Variants in CDH10 observed in about 807,000 individuals in gnomAD.
CDH10 encodes cadherin 10.
CDH10 carries 30 observed loss-of-function variants against 73.1 expected under a neutral mutation model. That is an observed-to-expected ratio of 0.41 (90% confidence interval 0.31 to 0.56). The LOEUF is 0.56. CDH10 is among the 20% of genes least tolerant of loss of function. The pLI is 0.27. For missense variants in CDH10, 815 were observed against 973.7 expected (o/e 0.84, Z 2.17); for synonymous variants, 345 against 348.2 (o/e 0.99, Z 0.10).
chr5:24,512,301 CCAAG>C (rs200114846), intron 5 of CDH10, among the ~76,000 whole-genome samples: 2,214 of 152,214 alleles, frequency 0.015, 52 homozygotes, highest in African/African-American at 0.047. Context: ...CACGCACCAA[CCAAG>C]CGTGTATTTT....
intron 1 of CDH10, among the ~76,000 whole-genome samples, chr5:24,630,788 G>C (rs1328179202): frequency 6.6e-6 from 1 of 151,522 alleles, no homozygotes. Context: ...AATGAAGAAA[G>C]TATTAGAACA....
At chr5:24,491,555 A>G (rs763130051) in intron 11 of CDH10, 21 bp downstream of exon 11, 46 of 1,589,116 alleles carry the variant, frequency 2.9e-5, no homozygotes, top group Non-Finnish European at 3.8e-5. Context: ...AAATGCTCCC[A>G]TTGTTTTTAA....
At chr5:24,554,060 CAGAGAGAGAGAGAGAGAGGAGAG>C (rs1744659444) in intron 2 of CDH10, 1 of 102,918 alleles carries the variant, frequency 9.7e-6, no homozygotes, top group Non-Finnish European at 2.0e-5. Context: ...GAGCAAGACA[CAGAGAGAGAGAGAGAGAGGAGAG>C]ACAGAGAGAG....
At chr5:24,622,869 T>C (rs1029166122) in intron 1 of CDH10, among the ~76,000 whole-genome samples, 7 of 152,214 alleles carry the variant, frequency 4.6e-5, no homozygotes, top group Admixed American at 4.6e-4. Flanking sequence ...CATTCCGTTT[T>C]GTAAATTTTT....
intron 5 of CDH10, among the ~76,000 whole-genome samples, chr5:24,522,927 A>T (rs1198263991): frequency 6.6e-6 from 1 of 152,210 alleles, no homozygotes; most frequent in Non-Finnish European, 1.5e-5. Context: ...AATAAAAAAA[A>T]TTTCATACAT....
intron 5 of CDH10, among the ~76,000 whole-genome samples, chr5:24,515,929 T>C (rs1743094267): frequency 6.6e-6 from 1 of 152,118 alleles, no homozygotes; most frequent in Non-Finnish European, 1.5e-5. Context: ...CTCTTTCGCC[T>C]GCAGCCATGT....
At chr5:24,564,276 C>T (rs891855244) in intron 2 of CDH10, among the ~76,000 whole-genome samples, 1 of 152,108 alleles carries the variant, frequency 6.6e-6, no homozygotes, top group South Asian at 2.1e-4. Context: ...ATAGGTTGTA[C>T]CAAAATGTCG....
intron 1 of CDH10, among the ~76,000 whole-genome samples, chr5:24,621,423 C>A (rs1381574335): frequency 3.3e-5 from 5 of 152,126 alleles, no homozygotes; most frequent in Non-Finnish European, 7.3e-5. Flanking sequence ...CAGACAAGTA[C>A]AATAAATAAG....
chr5:24,536,746 T>C (rs913004006), intron 3 of CDH10, among the ~76,000 whole-genome samples: 4 of 152,022 alleles, frequency 2.6e-5, no homozygotes, highest in Non-Finnish European at 5.9e-5. Context: ...ATGCCTTATG[T>C]TTTACAGGTT....
At position 24,537,583 on chromosome 5, in the gene CDH10, G is replaced by GT. The variant is rs748395403; in HGVS notation, c.322dup (p.Thr108AsnfsTer3). 1.2e-6 allele frequency: 2 copies of GT among 1,608,746 alleles called. No individual in the cohort carries two copies. The highest frequency in any genetic ancestry group is 2.7e-5 in the African/African-American group (2 of 74,742). On this transcript the variant is annotated frameshift_variant, in exon 3 of 12. Coordinates refer to ENST00000264463, the MANE Select transcript of CDH10 (RefSeq NM_006727.5). LOFTEE classifies it high-confidence loss of function. ...TCGCCTTGTGGCATGAATATCACCT[G>GT]TTTTTTCATCAATAATAAAAAGAGT...
At chr5:24,627,991 C>A (rs758529312) in intron 1 of CDH10, among the ~76,000 whole-genome samples, 2 of 152,034 alleles carry the variant, frequency 1.3e-5, no homozygotes, top group African/African-American at 4.8e-5. Flanking sequence ...ACTCTTATGG[C>A]ATCGTGGTAA....
intron 5 of CDH10, among the ~76,000 whole-genome samples, chr5:24,531,449 A>AT: frequency 6.6e-6 from 1 of 152,212 alleles, no homozygotes; most frequent in Non-Finnish European, 1.5e-5. Context: ...GCTGCTGATA[A>AT]AGACATACAC....
At chr5:24,554,033 T>G in intron 2 of CDH10, 2 of 132,768 alleles carry the variant, frequency 1.5e-5, no homozygotes, top group African/African-American at 3.0e-5. Flanking sequence ...AGAGTGAGAG[T>G]GAGAGCAGGC....
chr5:24,613,937 A>T (rs934113189), intron 1 of CDH10, among the ~76,000 whole-genome samples: 6 of 152,190 alleles, frequency 3.9e-5, no homozygotes, highest in African/African-American at 1.2e-4. Context: ...GACAAGGACA[A>T]ATTCGACTTT....
At chr5:24,616,465 A>G (rs1747132376) in intron 1 of CDH10, among the ~76,000 whole-genome samples, 1 of 152,216 alleles carries the variant, frequency 6.6e-6, no homozygotes, top group Non-Finnish European at 1.5e-5. Flanking sequence ...CATAAAATAT[A>G]TAGAAAAATG....
At chr5:24,602,985 C>G (rs1746620747) in intron 1 of CDH10, among the ~76,000 whole-genome samples, 1 of 152,140 alleles carries the variant, frequency 6.6e-6, no homozygotes, top group Non-Finnish European at 1.5e-5. Context: ...TCAAGACAAT[C>G]TATTGATCAT....
chr5:24,524,586 G>A (rs1743457090), intron 5 of CDH10, among the ~76,000 whole-genome samples: 1 of 152,022 alleles, frequency 6.6e-6, no homozygotes. Context: ...ATTTCCAGGT[G>A]TCAGATTGAA....
chr5:24,628,823 C>T (rs368091708), intron 1 of CDH10, among the ~76,000 whole-genome samples: 55 of 147,160 alleles, frequency 3.7e-4, no homozygotes, highest in African/African-American at 1.2e-3. Flanking sequence ...CTTGCCGCCC[C>T]CCCCACCCCG....
intron 2 of CDH10, among the ~76,000 whole-genome samples, chr5:24,555,525 GC>G (rs1744734830): frequency 6.6e-6 from 1 of 152,012 alleles, no homozygotes; most frequent in Non-Finnish European, 1.5e-5. Context: ...AGTTTCTCTT[GC>G]CCCCTCGTTC....
Sources: allele counts gnomAD v4.1 joint callset (sites outside exome capture counted in the v4.1 genomes callset), GRCh38; gene constraint gnomAD v4.1.1; transcripts MANE v1.5; gene names NCBI Gene and HGNC (gene_info 2026-07-23, HGNC 2026-07-21).